The following STIM1 variants were observed in gnomAD, a reference collection of about 807,000 sequenced individuals.
STIM1 encodes the protein stromal interaction molecule 1.
Under a neutral mutation model 74.7 loss-of-function variants are expected in STIM1, and 25 were observed. The observed-to-expected ratio is 0.33, with a 90% CI of 0.24 to 0.47. The LOEUF (loss-of-function observed/expected upper bound fraction) is 0.47, where lower values mean the gene tolerates loss of function less well. Among genes scored for constraint, STIM1 ranks in the 20% least tolerant of loss-of-function variants. The pLI, the probability that STIM1 is intolerant of heterozygous loss-of-function variation, is 1.00. For missense variants in STIM1, 728 were observed against 920.8 expected, an observed-to-expected ratio of 0.79 and a Z score of 2.71; for synonymous variants, 328 against 348.8, an observed-to-expected ratio of 0.94 and a Z score of 0.66.
chr11:3,992,083 TTTTTTG>T (rs2093620200), intron 2 of STIM1, among the ~76,000 whole-genome samples: 3 of 136,126 alleles, frequency 2.2e-5, no homozygotes, highest in African/African-American at 5.9e-5. Context: ...CAACATCTGT[TTTTTTG>T]TTTTTTTTTT....
At chr11:4,086,267 G>A (rs887613198) in intron 11 of STIM1, 5 of 606,806 alleles carry the variant, frequency 8.2e-6, no homozygotes, top group African/African-American at 1.9e-5. Context: ...TATTGGAATT[G>A]CCACTAAAAC....
At chr11:4,030,339 A>AAAAAG (rs1554966833) in intron 3 of STIM1, among the ~76,000 whole-genome samples, 1 of 150,766 alleles carries the variant, frequency 6.6e-6, no homozygotes, top group Non-Finnish European at 1.5e-5. Flanking sequence ...AAAAAAAAAA[A>AAAAAG]AAAGAAAGAA....
At chr11:4,013,656 C>CT (rs1265784808) in intron 2 of STIM1, among the ~76,000 whole-genome samples, 1 of 109,754 alleles carries the variant, frequency 9.1e-6, no homozygotes, top group East Asian at 2.6e-4. Flanking sequence ...CTTTGTTGAT[C>CT]TTTTCAAAAA....
At chr11:3,989,488 G>C in intron 2 of STIM1, 1 of 648,596 alleles carries the variant, frequency 1.5e-6, no homozygotes, top group South Asian at 1.5e-5. Flanking sequence ...GGTGCGTGCG[G>C]GATGTCTGTG....
intron 5 of STIM1, among the ~76,000 whole-genome samples, chr11:4,065,947 C>T (rs146913903): frequency 5.9e-5 from 9 of 152,194 alleles, no homozygotes; most frequent in Non-Finnish European, 1.2e-4. Context: ...AGAAGGGATT[C>T]CAGAAGGTGA....
At chr11:4,063,009 G>A (rs1284320029) in intron 5 of STIM1, among the ~76,000 whole-genome samples, 1 of 152,102 alleles carries the variant, frequency 6.6e-6, no homozygotes, top group Non-Finnish European at 1.5e-5. Flanking sequence ...GTCACAACAG[G>A]CCACATATTA....
At chr11:4,027,871 G>T (rs992999596) in intron 3 of STIM1, among the ~76,000 whole-genome samples, 1 of 152,086 alleles carries the variant, frequency 6.6e-6, no homozygotes, top group Non-Finnish European at 1.5e-5. Context: ...GGGTAGTTTT[G>T]TAGAATCCTT....
intron 2 of STIM1, among the ~76,000 whole-genome samples, chr11:4,014,862 A>G (rs529775692): frequency 2.0e-5 from 3 of 152,308 alleles, no homozygotes; most frequent in East Asian, 3.9e-4. Flanking sequence ...ATCAGAGACT[A>G]GGTTTGCAAC....
chr11:3,951,498 CT>C (rs1335819906), intron 1 of STIM1, among the ~76,000 whole-genome samples: 1 of 152,106 alleles, frequency 6.6e-6, no homozygotes, highest in Non-Finnish European at 1.5e-5. Flanking sequence ...TCAGTCTGTC[CT>C]CTTGTTACTA....
chr11:4,043,934 G>A (rs1590669643), intron 3 of STIM1, among the ~76,000 whole-genome samples: 1 of 152,202 alleles, frequency 6.6e-6, no homozygotes, highest in African/African-American at 2.4e-5. Flanking sequence ...AGAATCGCTT[G>A]AACCTGGGAG....
At chr11:3,955,820 C>G (rs934442599) in intron 1 of STIM1, among the ~76,000 whole-genome samples, 5 of 151,812 alleles carry the variant, frequency 3.3e-5, no homozygotes, top group African/African-American at 1.2e-4. Context: ...AACTACTGCT[C>G]TATGTGGAAA....
At chr11:3,878,728 C>G in intron 1 of STIM1, among the ~76,000 whole-genome samples, 1 of 152,192 alleles carries the variant, frequency 6.6e-6, no homozygotes, top group East Asian at 1.9e-4. Context: ...TATGACAGTG[C>G]TTACCATGTT....
At chr11:4,044,029 A>C (rs1391712483) in intron 3 of STIM1, among the ~76,000 whole-genome samples, 1 of 152,154 alleles carries the variant, frequency 6.6e-6, no homozygotes, top group Non-Finnish European at 1.5e-5. Flanking sequence ...AAAGAAAAAA[A>C]AGATAGGAGT....
chr11:3,971,955 C>G (rs1479298505), intron 2 of STIM1, among the ~76,000 whole-genome samples: 1 of 152,148 alleles, frequency 6.6e-6, no homozygotes, highest in Non-Finnish European at 1.5e-5. Flanking sequence ...TGTCATAAAT[C>G]ATAAACAAAA....
At chr11:4,030,155 C>G (rs557056901) in intron 3 of STIM1, among the ~76,000 whole-genome samples, 10 of 151,980 alleles carry the variant, frequency 6.6e-5, no homozygotes, top group African/African-American at 2.2e-4. Flanking sequence ...ATGGTGAAAC[C>G]CTGTCTCTAT....
intron 2 of STIM1, chr11:3,974,134 C>A: frequency 1.5e-6 from 1 of 653,000 alleles, no homozygotes; most frequent in South Asian, 1.6e-5. Flanking sequence ...CCCTGTTGCT[C>A]AGAATGGCTC....
chr11:3,938,834 A>G (rs963063471), intron 1 of STIM1, among the ~76,000 whole-genome samples: 1 of 152,178 alleles, frequency 6.6e-6, no homozygotes, highest in African/African-American at 2.4e-5. Flanking sequence ...GTGACAGGGC[A>G]CGACTGTCCC....
chr11:3,907,955 C>A (rs1293421854), intron 1 of STIM1, among the ~76,000 whole-genome samples: 1 of 152,182 alleles, frequency 6.6e-6, no homozygotes, highest in East Asian at 1.9e-4. Context: ...GAGGCCTTAT[C>A]CAATCATTCT....
At chr11:3,859,591 G>A (rs2090519535) in intron 1 of STIM1, among the ~76,000 whole-genome samples, 1 of 152,246 alleles carries the variant, frequency 6.6e-6, no homozygotes, top group Admixed American at 6.5e-5. Flanking sequence ...ACAGGGCCTT[G>A]GAGGATAGGC....
Sources: allele counts gnomAD v4.1 joint callset (sites outside exome capture counted in the v4.1 genomes callset), GRCh38; gene constraint gnomAD v4.1.1; transcripts MANE v1.5; gene names NCBI Gene and HGNC (gene_info 2026-07-23, HGNC 2026-07-21).